Variants in CENPO observed in about 807,000 individuals in gnomAD.
CENPO encodes centromere protein O.
A neutral mutation model predicts 36.1 loss-of-function variants in CENPO; 30 were observed. The ratio of observed to expected loss-of-function variants is 0.83; its 90% CI spans 0.62 to 1.13. The LOEUF is 1.13. Among genes scored for constraint, CENPO ranks in the 50% most tolerant of loss-of-function variants. The probability of loss-of-function intolerance (pLI) is 0.00; values close to 1 mark genes in which losing one functional copy is unlikely to be tolerated. For missense variants in CENPO, 349 were observed against 357.8 expected, an observed-to-expected ratio of 0.98 and a Z score of 0.20; for synonymous variants, 171 against 142.3, an observed-to-expected ratio of 1.20 and a Z score of -1.44.
chr2:24,794,889 A>G (rs1453009614), intron 2 of CENPO, among the ~76,000 whole-genome samples: 3 of 152,236 alleles, frequency 2.0e-5, no homozygotes, highest in Non-Finnish European at 4.4e-5. Context: ...AACTTAAATT[A>G]CAGTTTTAAA....
At position 24,820,070 on chromosome 2, in the gene CENPO, G is replaced by A. The variant is rs1341957348; in HGVS notation, c.*752G>A. 1.3e-6 allele frequency: 2 copies of A among 1,587,854 alleles called. No homozygotes were observed. Among genetic ancestry groups the A allele is most frequent in the East Asian group, 4.6e-5 (2 of 43,756 alleles). On this transcript the variant is annotated 3_prime_UTR_variant, in exon 8 of 8. Coordinates refer to ENST00000380834, the MANE Select transcript of CENPO (RefSeq NM_001322101.2). ...CAAAGATGGGGCCTCGCCTCACAAA[G>A]CGGAAGCCGTACTCTCGGAGGATGA...
chr2:24,794,194 C>A (rs1665775492), intron 2 of CENPO, among the ~76,000 whole-genome samples: 1 of 152,240 alleles, frequency 6.6e-6, no homozygotes, highest in Non-Finnish European at 1.5e-5. Flanking sequence ...TTGCATCCAT[C>A]ATATGCTCAG....
In CENPO at chr2:24,806,452, G is replaced by T. The variant is rs187386013; in HGVS notation, c.216+6608G>T. On this transcript the variant is annotated intron_variant, in intron 3 of 7. Transcript: ENST00000380834. ...TGTAGACTGGGGCTGTTCCTATTCG[G>T]CCATCTTGGCTCCACCCCCTCACCT... Among the ~76,000 whole-genome samples, 26 of 152,232 alleles carry T rather than the reference G, an allele frequency of 1.7e-4. No homozygotes were observed. In the East Asian group the frequency reaches 2.9e-3, roughly 17 times the overall value.
At position 24,815,612 on chromosome 2, in the gene CENPO, A is replaced by T. The variant is rs61732141; in HGVS notation, c.450A>T (p.Ile150=). 1,276 of 1,614,184 alleles carry T rather than the reference A, an allele frequency of 7.9e-4. 9 individuals are homozygous for T. In the African/African-American group the frequency reaches 0.016, roughly 20 times the overall value. The change falls in exon 5 of 8, where the codon ATA becomes ATT. Residue 150 remains isoleucine, a synonymous_variant. Coordinates refer to ENST00000380834, the MANE Select transcript of CENPO (RefSeq NM_001322101.2). ...VDLVIQKPLR[I]HHHSVPVFIP... ...TTGTCATACAGAAACCACTCCGGAT[A>T]CATCACCATTCAGTCCCAGTCTTCA...
In CENPO at chr2:24,821,074, G is replaced by A. The variant is rs549429089; in HGVS notation, c.*1756G>A. 2.5e-5 allele frequency: 15 copies of A among 590,378 alleles called. No individual in the cohort carries two copies. The highest frequency in any genetic ancestry group is 9.6e-5 in the East Asian group (3 of 31,396). 36.6% of individuals were successfully genotyped at this position (590,378 alleles called of 1,614,324 possible). A position where few individuals can be genotyped will look rare whatever the true frequency, so the allele number is the denominator to read the frequency against. ...CCCCCCCCCATATGCAGATTTACTC[G>A]GCATGGTAGTGGCCAGCTTCTAACA... is the stretch of plus-strand genomic sequence containing the variant. On this transcript the variant is annotated 3_prime_UTR_variant, in exon 8 of 8. Coordinates refer to ENST00000380834, the MANE Select transcript of CENPO (RefSeq NM_001322101.2).
intron 2 of CENPO, among the ~76,000 whole-genome samples, chr2:24,798,948 G>A (rs1666035631): frequency 6.7e-6 from 1 of 148,690 alleles, no homozygotes; most frequent in African/African-American, 2.5e-5. Flanking sequence ...TACTTAAGAA[G>A]CTCGATTAAA....
At chr2:24,793,754 C>T in intron 1 of CENPO, 98 bp from the exon 2 acceptor site, 3 of 1,036,966 alleles carry the variant, frequency 2.9e-6, no homozygotes, top group Non-Finnish European at 4.4e-6. Flanking sequence ...TTTGTGTCAT[C>T]CGCGGCCCAG....
At chr2:24,802,656 C>G (rs1666211025) in intron 3 of CENPO, among the ~76,000 whole-genome samples, 2 of 152,082 alleles carry the variant, frequency 1.3e-5, no homozygotes, top group South Asian at 4.1e-4. Flanking sequence ...GTTGAACCAG[C>G]CTTGCATCCC....
In CENPO at chr2:24,821,302, G is replaced by C; in HGVS notation, c.*1984G>C. 1.6e-6 allele frequency: 1 copy of C among 619,704 alleles called. No homozygotes were observed. The highest frequency in any genetic ancestry group is 2.7e-6 in the Non-Finnish European group (1 of 366,970). The allele number at this position is 619,704 out of a possible 1,614,324, so 38.4% of individuals were successfully genotyped here. ...AGCTTCTATTGTAACAGTAGGCACA[G>C]TATAGTCGGATCATCACATCAGCTG... is the stretch of plus-strand genomic sequence containing the variant. On this transcript the variant is annotated 3_prime_UTR_variant, in exon 8 of 8. Transcript: ENST00000380834.
intron 1 of CENPO, 138 bp downstream of exon 1, chr2:24,793,639 A>T (rs771331591): frequency 5.4e-4 from 740 of 1,362,542 alleles, no homozygotes; most frequent in Non-Finnish European, 7.0e-4. Flanking sequence ...TGGCCTCGGG[A>T]GCGCGCCGGG....
chr2:24,793,709 C>T, intron 1 of CENPO, 143 bp from the exon 2 acceptor site: 1 of 964,606 alleles, frequency 1.0e-6, no homozygotes. Context: ...TGGGAGAGGG[C>T]GGGCGGCTCA....
intron 3 of CENPO, among the ~76,000 whole-genome samples, chr2:24,804,957 G>A (rs1171591401): frequency 6.6e-6 from 1 of 152,148 alleles, no homozygotes. Context: ...TCACTTTCAG[G>A]TACACCTATC....
intron 3 of CENPO, among the ~76,000 whole-genome samples, chr2:24,810,106 A>T (rs1441622823): frequency 2.6e-5 from 4 of 151,500 alleles, no homozygotes; most frequent in Non-Finnish European, 5.9e-5. Flanking sequence ...TTTATTACTG[A>T]AATAGATTTT....
intron 2 of CENPO, among the ~76,000 whole-genome samples, chr2:24,798,411 A>G (rs1020760651): frequency 6.6e-6 from 1 of 152,112 alleles, no homozygotes; most frequent in Non-Finnish European, 1.5e-5. Flanking sequence ...ATAGGCCTCA[A>G]TGAGTAAAAT....
intron 3 of CENPO, among the ~76,000 whole-genome samples, chr2:24,807,272 TAGTCTTCTCTTA>T (rs6146685): frequency 0.48 from 73,443 of 151,748 alleles, 20,010 homozygotes; most frequent in Admixed American, 0.65. Context: ...TGCCTCTTCC[TAGTCTTCTCTTA>T]AGTCTTCTCT....
At chr2:24,818,687 G>A (rs1036475950) in intron 7 of CENPO, among the ~76,000 whole-genome samples, 2 of 152,180 alleles carry the variant, frequency 1.3e-5, no homozygotes, top group Non-Finnish European at 2.9e-5. Context: ...GGGGGACTCA[G>A]GCGCCCCCCG....
chr2:24,815,190 A>T (rs977326631), intron 4 of CENPO, among the ~76,000 whole-genome samples: 1 of 151,072 alleles, frequency 6.6e-6, no homozygotes, highest in African/African-American at 2.4e-5. Flanking sequence ...GTGAGCTGAG[A>T]TCGTGCCACC....
At position 24,793,816 on chromosome 2, in the gene CENPO, G is replaced by T. The variant is rs546822271; in HGVS notation, c.-68-36G>T. The T allele has an allele frequency of 1.9e-5, 28 of 1,483,674 alleles. No homozygotes were observed. The African/African-American group carries it at 3.9e-4, about 20-fold the overall frequency. The allele number at this position is 1,483,674 out of a possible 1,614,324, so 91.9% of individuals were successfully genotyped here. A position where few individuals can be genotyped will look rare whatever the true frequency, so the allele number is the denominator to read the frequency against. ...TGCCGTCTGGGTTTGAATGGGACTA[G>T]ATGTGATGTGACTGTTGCCATTTTT... On this transcript the variant is annotated intron_variant, in intron 1 of 7. Coordinates refer to ENST00000380834, the MANE Select transcript of CENPO (RefSeq NM_001322101.2).
chr2:24,803,043 T>C (rs1343306221), intron 3 of CENPO, among the ~76,000 whole-genome samples: 1 of 152,264 alleles, frequency 6.6e-6, no homozygotes, highest in Non-Finnish European at 1.5e-5. Context: ...AACTTCTTCC[T>C]GGTTTAGTCT....
Sources: gnomAD v4.1 joint callset for allele counts (sites outside exome capture counted in the v4.1 genomes callset) on GRCh38, gnomAD v4.1.1 for gene constraint, MANE v1.5 for transcripts, NCBI Gene and HGNC (gene_info 2026-07-23, HGNC 2026-07-21) for gene names.